DYNC1I1: variants seen among roughly 807,000 people sequenced by gnomAD.
DYNC1I1 encodes cytoplasmic dynein 1 intermediate chain 1.
DYNC1I1 carries 43 observed loss-of-function variants against 86.6 expected under a neutral mutation model. The ratio of observed to expected loss-of-function variants is 0.50; its 90% CI spans 0.39 to 0.64. DYNC1I1 has a LOEUF of 0.64. DYNC1I1 is among the 30% of genes least tolerant of loss of function. The pLI is 0.00. For synonymous variants in DYNC1I1, 262 were observed against 283.7 expected (o/e 0.92, Z 0.77); for missense variants, 604 against 788.8 (o/e 0.77, Z 2.81).
chr7:95,780,857 C>A (rs184669987), intron 1 of DYNC1I1, among the ~76,000 whole-genome samples: 1 of 152,116 alleles, frequency 6.6e-6, no homozygotes, highest in Non-Finnish European at 1.5e-5. Flanking sequence ...GAAAAGGAAG[C>A]AGGCCCTGTG....
At position 95,785,889 on chromosome 7, in the gene DYNC1I1, T is replaced by C. The variant is rs1393370312; in HGVS notation, c.-10+13116T>C. 2.7e-5 allele frequency among the ~76,000 whole-genome samples: 4 copies of C among 149,762 alleles called. No individual in the cohort carries two copies. In the East Asian group the frequency reaches 7.9e-4, roughly 29 times the overall value. ...GTATGGAGTTCTCACCCTGAATGCA[T>C]ATCTTATGCAAAGAATGTATGTATT... On this transcript the variant is annotated intron_variant, in intron 1 of 16. Transcript: ENST00000447467.
intron 6 of DYNC1I1, among the ~76,000 whole-genome samples, chr7:95,881,872 C>T (rs1053707950): frequency 1.3e-5 from 2 of 152,082 alleles, no homozygotes; most frequent in Non-Finnish European, 2.9e-5. Context: ...ATATTAGTTC[C>T]AAGGTAAGAA....
intron 16 of DYNC1I1, among the ~76,000 whole-genome samples, chr7:96,083,609 C>A (rs182899100): frequency 6.6e-6 from 1 of 152,064 alleles, no homozygotes; most frequent in East Asian, 1.9e-4. Context: ...ACCTAAACTG[C>A]GGAAGGCCAG....
intron 11 of DYNC1I1, among the ~76,000 whole-genome samples, chr7:96,030,292 T>A (rs1036993597): frequency 6.6e-6 from 1 of 151,356 alleles, no homozygotes; most frequent in Non-Finnish European, 1.5e-5. Flanking sequence ...ACTGGAAAAA[T>A]GGGTATACTG....
At chr7:95,828,565 A>G (rs970715500) in intron 5 of DYNC1I1, among the ~76,000 whole-genome samples, 4 of 152,150 alleles carry the variant, frequency 2.6e-5, no homozygotes, top group African/African-American at 9.7e-5. Flanking sequence ...ACTCACAATA[A>G]GCACTTAATT....
At chr7:95,987,587 C>G (rs1313785437) in intron 9 of DYNC1I1, among the ~76,000 whole-genome samples, 1 of 152,110 alleles carries the variant, frequency 6.6e-6, no homozygotes, top group Non-Finnish European at 1.5e-5. Flanking sequence ...TTTCTTTTTC[C>G]TCTGACCATC....
intron 1 of DYNC1I1, among the ~76,000 whole-genome samples, chr7:95,783,294 A>G (rs529098573): frequency 5.3e-5 from 8 of 152,222 alleles, no homozygotes; most frequent in Non-Finnish European, 1.0e-4. Flanking sequence ...CTGATAATGA[A>G]TAAAAGAAAT....
At chr7:96,038,578 A>T (rs1788940840) in intron 13 of DYNC1I1, among the ~76,000 whole-genome samples, 1 of 152,208 alleles carries the variant, frequency 6.6e-6, no homozygotes, top group African/African-American at 2.4e-5. Context: ...ACAAATATTT[A>T]TTGAGCACTT....
At chr7:95,933,838 A>G (rs775380559) in intron 6 of DYNC1I1, among the ~76,000 whole-genome samples, 39 of 152,088 alleles carry the variant, frequency 2.6e-4, no homozygotes, top group Non-Finnish European at 4.9e-4. Flanking sequence ...GGCTATTCTT[A>G]GCAGGATTTA....
At chr7:95,791,819 T>C (rs1351821296) in intron 1 of DYNC1I1, among the ~76,000 whole-genome samples, 1 of 152,204 alleles carries the variant, frequency 6.6e-6, no homozygotes, top group Non-Finnish European at 1.5e-5. Context: ...AAAAGATAGT[T>C]GAATGGATGA....
chr7:95,932,775 A>T (rs1442643781), intron 6 of DYNC1I1, among the ~76,000 whole-genome samples: 1 of 152,206 alleles, frequency 6.6e-6, no homozygotes, highest in African/African-American at 2.4e-5. Context: ...CCAGGGGCTA[A>T]AAGTTGAAAT....
chr7:95,969,596 A>G (rs1793112369), intron 6 of DYNC1I1, among the ~76,000 whole-genome samples: 1 of 152,050 alleles, frequency 6.6e-6, no homozygotes, highest in Admixed American at 6.6e-5. Flanking sequence ...ATCCACATCA[A>G]CTCAATTCAA....
At chr7:96,110,318 T>C, downstream of DYNC1I1, 3 of 190,088 alleles carry the variant, frequency 1.6e-5, no homozygotes, top group Non-Finnish European at 2.2e-5. Context: ...TTAAATCTAC[T>C]TTGACTGATA....
intron 6 of DYNC1I1, among the ~76,000 whole-genome samples, chr7:95,973,404 T>G (rs1287010373): frequency 1.3e-5 from 2 of 152,208 alleles, no homozygotes; most frequent in Admixed American, 1.3e-4. Context: ...CACTAAAAAT[T>G]AATACCTACA....
intron 14 of DYNC1I1, among the ~76,000 whole-genome samples, 160 bp from the exon 15 acceptor site, chr7:96,075,897 A>C (rs1196114518): frequency 1.3e-5 from 2 of 150,832 alleles, no homozygotes. Flanking sequence ...GCCACTGGAC[A>C]GTTCTAGTCA....
At chr7:95,956,723 T>C (rs111751482) in intron 6 of DYNC1I1, among the ~76,000 whole-genome samples, 30 of 152,242 alleles carry the variant, frequency 2.0e-4, no homozygotes, top group African/African-American at 6.5e-4. Context: ...CATTCTTTTT[T>C]ATGGCTGCAT....
chr7:95,878,620 A>G (rs1282982173), intron 6 of DYNC1I1, among the ~76,000 whole-genome samples: 2 of 152,176 alleles, frequency 1.3e-5, no homozygotes, highest in Non-Finnish European at 2.9e-5. Flanking sequence ...CCTACCTGTA[A>G]CAGGAATGCC....
intron 10 of DYNC1I1, among the ~76,000 whole-genome samples, chr7:96,020,771 C>T (rs1220081788): frequency 6.6e-6 from 1 of 152,050 alleles, no homozygotes; most frequent in African/African-American, 2.4e-5. Context: ...ATCGATAAAA[C>T]CAGATGTGGT....
At chr7:96,109,775 A>G (rs923199956) in intron 16 of DYNC1I1, among the ~76,000 whole-genome samples, 1 of 152,036 alleles carries the variant, frequency 6.6e-6, no homozygotes, top group Non-Finnish European at 1.5e-5. Flanking sequence ...AATCTTTTTA[A>G]GTTTATTGAG....
Sources: gnomAD v4.1 joint callset for allele counts (sites outside exome capture counted in the v4.1 genomes callset) on GRCh38, gnomAD v4.1.1 for gene constraint, MANE v1.5 for transcripts, NCBI Gene and HGNC (gene_info 2026-07-23, HGNC 2026-07-21) for gene names.